ADGRG6: variants seen among roughly 807,000 people sequenced by gnomAD.
The protein encoded by ADGRG6 is adhesion G protein-coupled receptor G6.
ADGRG6 carries 84 observed loss-of-function variants against 142.4 expected under a neutral mutation model. The ratio of observed to expected loss-of-function variants is 0.59; its 90% CI spans 0.49 to 0.71. ADGRG6 has a LOEUF of 0.71. ADGRG6 is among the 30% of genes least tolerant of loss of function. The pLI is 0.00. For missense variants in ADGRG6, 1,367 were observed against 1,466.6 expected, an observed-to-expected ratio of 0.93 and a Z score of 1.11; for synonymous variants, 521 against 520.5, an observed-to-expected ratio of 1.00 and a Z score of -0.01.
chr6:142,330,541 A>T (rs77436564), intron 2 of ADGRG6, among the ~76,000 whole-genome samples: 8,207 of 152,226 alleles, frequency 0.054, 465 homozygotes, highest in African/African-American at 0.14. Flanking sequence ...AGGTCACCAG[A>T]TCCATTTTTA....
chr6:142,334,486 TTAGAGC>T (rs1779217974), intron 2 of ADGRG6, among the ~76,000 whole-genome samples: 1 of 152,002 alleles, frequency 6.6e-6, no homozygotes, highest in African/African-American at 2.4e-5. Flanking sequence ...GCCTGTAGAG[TTAGAGC>T]TGGGAGTTAT....
intron 22 of ADGRG6, among the ~76,000 whole-genome samples, chr6:142,422,823 C>T (rs1416270510): frequency 7.3e-6 from 1 of 137,782 alleles, no homozygotes; most frequent in Non-Finnish European, 1.6e-5. Context: ...CTCTCCAGCA[C>T]CTGTTGTTTC....
intron 1 of ADGRG6, among the ~76,000 whole-genome samples, chr6:142,303,460 T>A (rs549491701): frequency 2.6e-4 from 39 of 152,312 alleles, no homozygotes; most frequent in African/African-American, 8.9e-4. Context: ...CTGTTCCAGG[T>A]ACTGTGAGAT....
intron 4 of ADGRG6, chr6:142,371,027 T>C: frequency 2.2e-6 from 1 of 462,450 alleles, no homozygotes; most frequent in Non-Finnish European, 3.8e-6. Context: ...AGACATTTGG[T>C]TTTACCATTC....
intron 2 of ADGRG6, among the ~76,000 whole-genome samples, chr6:142,345,593 A>G (rs952561673): frequency 6.6e-6 from 1 of 152,150 alleles, no homozygotes; most frequent in Non-Finnish European, 1.5e-5. Context: ...TATCATAAAT[A>G]TTAGGTTCCT....
intron 2 of ADGRG6, among the ~76,000 whole-genome samples, chr6:142,317,839 T>A (rs1778190068): frequency 1.2e-5 from 1 of 85,486 alleles, no homozygotes; most frequent in African/African-American, 4.9e-5. Flanking sequence ...TTATATATAT[T>A]TATATATAAT....
At position 142,370,543 on chromosome 6, in the gene ADGRG6, A is replaced by C. The variant is rs766107810; in HGVS notation, c.819A>C (p.Glu273Asp). ...GTGTAAATTTCAAAAGAAACTATGAAACAGTTCCATGTGATTCTACCATTA... is the reference window on the plus strand; with the variant it reads ...GTGTAAATTTCAAAAGAAACTATGACACAGTTCCATGTGATTCTACCATTA... ...SIGVNFKRNY[E>D]TVPCDSTISK... is the part of the protein sequence containing the mutation. The change falls in exon 4 of 25, where the codon GAA becomes GAC. Residue 273 changes from glutamate (E) to aspartate (D), a missense_variant. By Grantham distance (45) the Glu-to-Asp change is conservative. Around this residue, in one of 3 missense-constraint regions of ADGRG6, gnomAD observed 737 missense variants for 746.5 expected, o/e 0.99. Coordinates refer to ENST00000367609, the MANE Select transcript of ADGRG6 (RefSeq NM_198569.3). The C allele has an allele frequency of 6.2e-7, 1 of 1,613,636 alleles. No individual in the cohort carries two copies. Among genetic ancestry groups the C allele is most frequent in the Non-Finnish European group, 8.5e-7 (1 of 1,179,574 alleles).
At chr6:142,432,286 T>C (rs1777251826) in intron 22 of ADGRG6, among the ~76,000 whole-genome samples, 1 of 152,174 alleles carries the variant, frequency 6.6e-6, no homozygotes, top group Admixed American at 6.5e-5. Flanking sequence ...TGGAGGAATT[T>C]TGGTATAATA....
chr6:142,359,774 G>A (rs146954629), intron 2 of ADGRG6, among the ~76,000 whole-genome samples: 1 of 152,302 alleles, frequency 6.6e-6, no homozygotes, highest in Non-Finnish European at 1.5e-5. Flanking sequence ...TATTAAGTGC[G>A]GGGATGTGGG....
At chr6:142,382,547 C>T (rs1017108415) in intron 5 of ADGRG6, among the ~76,000 whole-genome samples, 5 of 152,220 alleles carry the variant, frequency 3.3e-5, no homozygotes, top group South Asian at 2.1e-4. Context: ...CTTACTATAT[C>T]GTGGTCAGTA....
chr6:142,428,382 A>T (rs1777054854), intron 22 of ADGRG6, among the ~76,000 whole-genome samples: 1 of 152,182 alleles, frequency 6.6e-6, no homozygotes, highest in South Asian at 2.1e-4. Context: ...TACCTACTTA[A>T]ATAAGCAAAT....
chr6:142,427,358 T>C (rs1776994119), intron 22 of ADGRG6, among the ~76,000 whole-genome samples: 1 of 152,192 alleles, frequency 6.6e-6, no homozygotes, highest in Non-Finnish European at 1.5e-5. Flanking sequence ...CCAGACTCTT[T>C]GCTAAAACAC....
Position 142,443,630 on chromosome 6 carries a change from T to TATAC in ADGRG6, c.*115_*116insATAC. Reference sequence around the variant, plus strand: ...TAGGTAACTGCATATATATAAGGAATGTATTTTGTTAAGAAGGCTTTTGTG... The same window carrying TATAC: ...TAGGTAACTGCATATATATAAGGAATATACGTATTTTGTTAAGAAGGCTTTTGTG... On this transcript the variant is annotated 3_prime_UTR_variant, in exon 25 of 25. Coordinates refer to ENST00000367609, the MANE Select transcript of ADGRG6 (RefSeq NM_198569.3). 1.6e-6 allele frequency: 1 copy of TATAC among 609,680 alleles called. No homozygotes were observed. Among genetic ancestry groups the TATAC allele is most frequent in the Non-Finnish European group, 2.8e-6 (1 of 362,376 alleles). The allele number at this position is 609,680 out of a possible 1,614,324, so 37.8% of individuals were successfully genotyped here. A position where few individuals can be genotyped will look rare whatever the true frequency, so the allele number is the denominator to read the frequency against.
Position 142,394,008 on chromosome 6 carries a change from C to T in ADGRG6, c.1424+50C>T, listed in dbSNP as rs1417942191. 19 of 1,098,252 alleles carry T rather than the reference C, an allele frequency of 1.7e-5. No individual in the cohort carries two copies. The South Asian group carries it at 2.3e-4, about 13-fold the overall frequency. 68.0% of individuals were successfully genotyped at this position (1,098,252 alleles called of 1,614,324 possible). A position where few individuals can be genotyped will look rare whatever the true frequency, so the allele number is the denominator to read the frequency against. On this transcript the variant is annotated intron_variant, in intron 9 of 24. Coordinates refer to ENST00000367609, the MANE Select transcript of ADGRG6 (RefSeq NM_198569.3). ...AGTATAACATTCTTTCTCTTGCTCA[C>T]TACTTTATCTGGTAGAGAAATGAAA...
At chr6:142,419,777 A>G in intron 21 of ADGRG6, 44 bp from the exon 22 acceptor site, 1 of 1,462,080 alleles carries the variant, frequency 6.8e-7, no homozygotes, top group Non-Finnish European at 9.4e-7. Flanking sequence ...TAAACAGGAC[A>G]TGGTAATAAA....
chr6:142,315,005 T>TGTTA (rs1554229843), intron 2 of ADGRG6, among the ~76,000 whole-genome samples: 1 of 150,658 alleles, frequency 6.6e-6, no homozygotes, highest in Non-Finnish European at 1.5e-5. Flanking sequence ...TGTGTGTGTG[T>TGTTA]TATACAGTCT....
intron 1 of ADGRG6, among the ~76,000 whole-genome samples, chr6:142,304,343 A>G (rs1371270690): frequency 6.6e-6 from 1 of 152,152 alleles, no homozygotes; most frequent in Non-Finnish European, 1.5e-5. Context: ...TGGGAGTTGT[A>G]GTGACTGCAT....
At chr6:142,425,423 A>G (rs1000257182) in intron 22 of ADGRG6, among the ~76,000 whole-genome samples, 5 of 151,890 alleles carry the variant, frequency 3.3e-5, no homozygotes, top group Non-Finnish European at 5.9e-5. Context: ...TGCTCATTAA[A>G]CTCTTACTTT....
At chr6:142,410,481 A>G (rs1422638194) in intron 17 of ADGRG6, among the ~76,000 whole-genome samples, 1 of 120,592 alleles carries the variant, frequency 8.3e-6, no homozygotes, top group South Asian at 2.4e-4. Context: ...ATCAGTAGGC[A>G]TAAGGTGTAA....
Sources: allele counts gnomAD v4.1 joint callset (sites outside exome capture counted in the v4.1 genomes callset), GRCh38; gene constraint gnomAD v4.1.1; regional missense constraint gnomAD v4.1.1; transcripts MANE v1.5; gene names NCBI Gene and HGNC (gene_info 2026-07-23, HGNC 2026-07-21).